TMPRSS11F: variants seen among roughly 807,000 people sequenced by gnomAD.
TMPRSS11F encodes transmembrane protease serine 11F.
In TMPRSS11F, 47 loss-of-function variants were observed where a neutral mutation model predicts 60.2. That is an observed-to-expected ratio of 0.78 (90% CI 0.62 to 1.00). The LOEUF (loss-of-function observed/expected upper bound fraction) is 1.00, where lower values mean the gene tolerates loss of function less well. TMPRSS11F is among the 50% of genes least tolerant of loss of function. The pLI is 0.00. For missense variants in TMPRSS11F, 519 were observed against 522.9 expected (o/e 0.99, Z 0.07); for synonymous variants, 166 against 167.3 (o/e 0.99, Z 0.06).
intron 9 of TMPRSS11F, among the ~76,000 whole-genome samples, chr4:68,055,898 T>A (rs1448069984): frequency 1.3e-5 from 2 of 152,136 alleles, no homozygotes; most frequent in African/African-American, 2.4e-5. Flanking sequence ...GTTCAATATA[T>A]TCAAATCAAT....
At position 68,072,289 on chromosome 4, in the gene TMPRSS11F, T is replaced by C. The variant is rs77986705; in HGVS notation, c.514+34A>G. ...TAAAGAGGGTTGTAAGAGGAGGGAA[T>C]GACAAAAGTGGCAAATAAAAATAAA... On this transcript the variant is annotated intron_variant, in intron 5 of 9. Coordinates refer to ENST00000356291, the MANE Select transcript of TMPRSS11F (RefSeq NM_207407.2). 12,748 of 1,337,176 alleles carry C rather than the reference T, an allele frequency of 9.5e-3. 607 individuals are homozygous for C. In the African/African-American group the frequency reaches 0.13, roughly 13 times the overall value. The allele number at this position is 1,337,176 out of a possible 1,614,324, so 82.8% of individuals were successfully genotyped here. A position where few individuals can be genotyped will look rare whatever the true frequency, so the allele number is the denominator to read the frequency against.
At chr4:68,073,601 C>T (rs1389051090) in intron 4 of TMPRSS11F, among the ~76,000 whole-genome samples, 3 of 152,168 alleles carry the variant, frequency 2.0e-5, no homozygotes, top group Non-Finnish European at 4.4e-5. Flanking sequence ...TCATTGTCTT[C>T]TGGTGGAGTA....
In TMPRSS11F at chr4:68,063,049, T is replaced by A. The variant is rs1243031049; in HGVS notation, c.1015+1636A>T. 4.5e-6 allele frequency: 3 copies of A among 661,184 alleles called. No individual in the cohort carries two copies. The East Asian group carries it at 1.0e-4, about 23-fold the overall frequency. The allele number at this position is 661,184 out of a possible 1,614,324, so 41.0% of individuals were successfully genotyped here. A position where few individuals can be genotyped will look rare whatever the true frequency, so the allele number is the denominator to read the frequency against. On this transcript the variant is annotated intron_variant, in intron 8 of 9. Coordinates refer to ENST00000356291, the MANE Select transcript of TMPRSS11F (RefSeq NM_207407.2). ...TCATTTGGGAGTCACAGACACATTT[T>A]ATCTTGTGAATTGTTCCTTGTACTG...
chr4:68,053,775 A>T lies in TMPRSS11F; in HGVS notation c.*134T>A. ...TATGTAAAGGCCACCTCAGGATATT[A>T]GATTTGTCTGGGTCTGAAGGGCTTC... On this transcript the variant is annotated 3_prime_UTR_variant, in exon 10 of 10. Transcript: ENST00000356291. The T allele has an allele frequency of 1.2e-6, 1 of 829,550 alleles. No individual in the cohort carries two copies. Among genetic ancestry groups the T allele is most frequent in the East Asian group, 2.6e-5 (1 of 38,040 alleles). 51.4% of individuals were successfully genotyped at this position (829,550 alleles called of 1,614,324 possible). A position where few individuals can be genotyped will look rare whatever the true frequency, so the allele number is the denominator to read the frequency against.
chr4:68,054,401 C>T (rs974325790), intron 9 of TMPRSS11F, among the ~76,000 whole-genome samples: 3 of 151,900 alleles, frequency 2.0e-5, no homozygotes, highest in African/African-American at 7.3e-5. Context: ...CATTTGTAAG[C>T]CTAGGTATAC....
chr4:68,116,416 C>T (rs867021062), intron 1 of TMPRSS11F, among the ~76,000 whole-genome samples: 1 of 152,066 alleles, frequency 6.6e-6, no homozygotes, highest in Non-Finnish European at 1.5e-5. Context: ...AATGCCCATA[C>T]TACCCAAAGC....
intron 1 of TMPRSS11F, among the ~76,000 whole-genome samples, chr4:68,120,243 G>T (rs982320049): frequency 6.6e-6 from 1 of 152,156 alleles, no homozygotes; most frequent in Non-Finnish European, 1.5e-5. Context: ...GATATGAAAA[G>T]AAAGGATTTG....
chr4:68,084,859 T>C, intron 3 of TMPRSS11F, among the ~76,000 whole-genome samples: 1 of 138,754 alleles, frequency 7.2e-6, no homozygotes, highest in African/African-American at 2.7e-5. Flanking sequence ...GCATTAGGTA[T>C]ATCTCCCAAT....
chr4:68,089,275 T>G (rs1723877943), intron 3 of TMPRSS11F, among the ~76,000 whole-genome samples: 1 of 152,130 alleles, frequency 6.6e-6, no homozygotes, highest in Admixed American at 6.6e-5. Context: ...TTTTTCTTAG[T>G]AAAGGTACTT....
At chr4:68,096,416 T>C (rs1425530681) in intron 2 of TMPRSS11F, among the ~76,000 whole-genome samples, 1 of 152,162 alleles carries the variant, frequency 6.6e-6, no homozygotes, top group Non-Finnish European at 1.5e-5. Flanking sequence ...AACACAGTAA[T>C]TGTTTTTTAA....
rs182904509 is a variant in TMPRSS11F at position 68,065,888 on chromosome 4, C to T, written c.756-944G>A. On this transcript the variant is annotated intron_variant, in intron 7 of 9. Transcript: ENST00000356291. ...ATCCCAGCACTTTGGGAGGCCAAGG[C>T]GGGTAGACCATGAGGTCAGGAGTTC... Among the ~76,000 whole-genome samples the T allele has an allele frequency of 7.9e-5, 12 of 152,082 alleles. No homozygotes were observed. In the East Asian group the frequency reaches 1.2e-3, roughly 15 times the overall value.
chr4:68,057,079 G>C (rs541334403), intron 9 of TMPRSS11F, among the ~76,000 whole-genome samples: 1 of 152,202 alleles, frequency 6.6e-6, no homozygotes, highest in Admixed American at 6.5e-5. Flanking sequence ...AAGGTCAGGA[G>C]TTCGAGACCA....
intron 3 of TMPRSS11F, among the ~76,000 whole-genome samples, chr4:68,084,158 C>T (rs902869755): frequency 3.3e-5 from 5 of 151,976 alleles, no homozygotes; most frequent in Middle Eastern, 3.4e-3. Flanking sequence ...CTCCAAGAAA[C>T]ATGAGATTAT....
chr4:68,062,621 T>C, intron 8 of TMPRSS11F: 1 of 844,454 alleles, frequency 1.2e-6, no homozygotes, highest in Non-Finnish European at 2.1e-6. Context: ...GTGATTGAGT[T>C]CTTCTCCAGA....
chr4:68,074,907 G>C (rs1219057967), intron 3 of TMPRSS11F, among the ~76,000 whole-genome samples: 1 of 151,992 alleles, frequency 6.6e-6, no homozygotes, highest in African/African-American at 2.4e-5. Context: ...GATGAGCCTG[G>C]GCAACATGGC....
chr4:68,101,949 A>T (rs1459457283), intron 1 of TMPRSS11F, among the ~76,000 whole-genome samples: 1 of 152,074 alleles, frequency 6.6e-6, no homozygotes, highest in Non-Finnish European at 1.5e-5. Context: ...TCCATCCTAC[A>T]TATCTGCTAC....
intron 1 of TMPRSS11F, among the ~76,000 whole-genome samples, chr4:68,111,901 C>A (rs929145936): frequency 6.6e-6 from 1 of 152,180 alleles, no homozygotes; most frequent in Non-Finnish European, 1.5e-5. Context: ...ATAAATCTTC[C>A]TTTGATATTT....
intron 1 of TMPRSS11F, among the ~76,000 whole-genome samples, chr4:68,114,108 C>A (rs1273015670): frequency 6.6e-6 from 1 of 151,754 alleles, no homozygotes; most frequent in Non-Finnish European, 1.5e-5. Context: ...GGGAGATGCA[C>A]ACAAGGCAAT....
intron 3 of TMPRSS11F, among the ~76,000 whole-genome samples, chr4:68,076,287 T>A (rs1160144743): frequency 2.0e-5 from 3 of 152,236 alleles, no homozygotes; most frequent in Non-Finnish European, 4.4e-5. Flanking sequence ...CTGCTTTAAC[T>A]ATAGTCATTG....
Sources: allele counts gnomAD v4.1 joint callset (sites outside exome capture counted in the v4.1 genomes callset), GRCh38; gene constraint gnomAD v4.1.1; transcripts MANE v1.5; gene names NCBI Gene and HGNC (gene_info 2026-07-23, HGNC 2026-07-21).